P3H1: variants seen among roughly 807,000 people sequenced by gnomAD.
P3H1 encodes the protein growth suppressor 1.
P3H1 carries 69 observed loss-of-function variants against 84.0 expected under a neutral mutation model. That is an observed-to-expected ratio of 0.82 (90% CI 0.68 to 1.00). The LOEUF (loss-of-function observed/expected upper bound fraction) is 1.00. Among genes scored for constraint, P3H1 ranks in the 50% least tolerant of loss-of-function variants. P3H1 has a pLI of 0.00. For synonymous variants in P3H1, 366 were observed against 388.8 expected (o/e 0.94, Z 0.69); for missense variants, 878 against 962.8 (o/e 0.91, Z 1.17).
chr1:42,762,421 G>C lies in P3H1; in HGVS notation c.520C>G (p.Pro174Ala). 6.2e-7 allele frequency: 1 copy of C among 1,614,144 alleles called. No homozygotes were observed. The highest frequency in any genetic ancestry group is 8.5e-7 in the Non-Finnish European group (1 of 1,180,000). ...AAAHTFFVGN[P>A]EHMEMQQNLD... is the part of the protein sequence containing the mutation. ...TTCTGCTGCATTTCCATGTGCTCAG[G>C]ATTGCCCACGAAGAAGGTGTGTGCT... The change falls in exon 2 of 15, where the codon CCT (proline) becomes GCT (alanine). Residue 174 changes from proline (P) to alanine (A), a missense_variant. Coordinates refer to ENST00000296388, the MANE Select transcript of P3H1 (RefSeq NM_022356.4).
At chr1:42,747,176 G>A in intron 14 of P3H1, 96 bp downstream of exon 14, 1 of 1,614,202 alleles carries the variant, frequency 6.2e-7, no homozygotes, top group Non-Finnish European at 8.5e-7. Context: ...TCAGCCACTG[G>A]CAATGGGATT....
In P3H1 at chr1:42,747,254, C is replaced by T. The variant is rs137853890; in HGVS notation, c.2055+18G>A. The T allele has an allele frequency of 1.1e-5, 18 of 1,613,518 alleles. No individual in the cohort carries two copies. The highest frequency in any genetic ancestry group is 2.2e-5 in the East Asian group (1 of 44,884). On this transcript the variant is annotated intron_variant, in intron 14 of 14. Transcript: ENST00000296388. ...CACCACAGCACCAGCTGCTCTCACC[C>T]GCTCGAGCTGCTCTCACCCGCTCGC...
intron 1 of P3H1, among the ~76,000 whole-genome samples, chr1:42,764,172 C>A (rs1652869580): frequency 6.6e-6 from 1 of 152,122 alleles, no homozygotes; most frequent in Non-Finnish European, 1.5e-5. Context: ...CGCCTGTAAT[C>A]CCGCACTTTG....
intron 5 of P3H1, among the ~76,000 whole-genome samples, chr1:42,756,168 G>A (rs779944924): frequency 2.0e-5 from 3 of 152,146 alleles, no homozygotes; most frequent in African/African-American, 7.2e-5. Flanking sequence ...GGAGAGCAGC[G>A]ACCTACAGTC....
chr1:42,747,140 G>C (rs372853135), intron 14 of P3H1, 132 bp downstream of exon 14: 17 of 1,614,094 alleles, frequency 1.1e-5, no homozygotes, highest in Non-Finnish European at 1.4e-5. Context: ...CGTTGGAGCT[G>C]GTGTCCCAAG....
At chr1:42,749,379 C>A (rs1440794818) in intron 11 of P3H1, among the ~76,000 whole-genome samples, 1 of 152,212 alleles carries the variant, frequency 6.6e-6, no homozygotes, top group African/African-American at 2.4e-5. Flanking sequence ...TATGACAGAG[C>A]CGGCTCTGGG....
intron 12 of P3H1, 41 bp downstream of exon 12, chr1:42,748,159 A>T: frequency 6.9e-7 from 1 of 1,449,136 alleles, no homozygotes; most frequent in Non-Finnish European, 9.7e-7. Context: ...GCCTCTGAGG[A>T]GGGCACAGAC....
chr1:42,757,359 C>T (rs959266335), intron 5 of P3H1, among the ~76,000 whole-genome samples: 2 of 151,724 alleles, frequency 1.3e-5, no homozygotes, highest in African/African-American at 4.9e-5. Context: ...TGGGAGAGAA[C>T]AAACAATGGC....
At position 42,754,905 on chromosome 1, in the gene P3H1, T is replaced by C. The variant is rs770097674; in HGVS notation, c.1309A>G (p.Lys437Glu). The C allele has an allele frequency of 5.7e-5, 92 of 1,614,194 alleles. No individual in the cohort carries two copies. The highest frequency in any genetic ancestry group is 7.5e-5 in the Non-Finnish European group (89 of 1,180,014). Residue 437 changes from lysine (K) to glutamate (E), a missense_variant, in exon 8 of 15, where the codon AAG (lysine) becomes GAG (glutamate). Coordinates refer to ENST00000296388, the MANE Select transcript of P3H1 (RefSeq NM_022356.4). This position sits in a 1 kb window ranked among gnomAD's most constrained non-coding sequence, Gnocchi z 4.0. ...EIETLVEEKTKESLDVSRLTR... is the reference protein window; with the variant it reads ...EIETLVEEKTEESLDVSRLTR... ...AGTCTGCTCACATCCAGTGACTCCT[T>C]GGTCTTCTCTTCCACAAGGGTCTCG...
chr1:42,762,282 T>C (rs926986023), intron 2 of P3H1, 41 bp downstream of exon 2: 2 of 1,603,110 alleles, frequency 1.2e-6, no homozygotes, highest in Non-Finnish European at 1.7e-6. Flanking sequence ...AAAATAAATT[T>C]AAAAAGAAAG....
intron 2 of P3H1, chr1:42,762,020 A>T (rs1229774340): frequency 3.6e-6 from 1 of 281,350 alleles, no homozygotes; most frequent in East Asian, 7.5e-5. Context: ...ATTACAAATG[A>T]TTACTTTTTA....
intron 11 of P3H1, among the ~76,000 whole-genome samples, chr1:42,749,319 G>A (rs775228539): frequency 2.0e-5 from 3 of 152,192 alleles, no homozygotes; most frequent in Non-Finnish European, 2.9e-5. Flanking sequence ...CCTCTGATCT[G>A]TGCCACGTAC....
intron 1 of P3H1, 120 bp from the exon 2 acceptor site, chr1:42,762,595 G>A: frequency 6.5e-6 from 7 of 1,082,950 alleles, no homozygotes; most frequent in East Asian, 4.8e-5. Flanking sequence ...CACTCAGCGT[G>A]CCCAGCCCCT....
chr1:42,759,880 C>G (rs1233452485), intron 2 of P3H1: 1 of 167,462 alleles, frequency 6.0e-6, no homozygotes, highest in Non-Finnish European at 1.3e-5. Context: ...CTGTGCCTGG[C>G]CAAAAAACAT....
chr1:42,750,676 C>T (rs1307343799), intron 10 of P3H1, among the ~76,000 whole-genome samples: 1 of 123,712 alleles, frequency 8.1e-6, no homozygotes, highest in Admixed American at 7.7e-5. Context: ...CCAGCCGCCC[C>T]GTCCGGGAGG....
At chr1:42,762,577 G>A in intron 1 of P3H1, 102 bp from the exon 2 acceptor site, 2 of 1,314,064 alleles carry the variant, frequency 1.5e-6, no homozygotes, top group South Asian at 2.4e-5. Context: ...CTGCCTCCCT[G>A]AGCCCTCCAC....
chr1:42,751,977 CTG>C, intron 10 of P3H1: 1 of 444,346 alleles, frequency 2.3e-6, no homozygotes, highest in South Asian at 2.1e-5. Flanking sequence ...TATGAGCACA[CTG>C]TGCATCCTGC....
intron 1 of P3H1, among the ~76,000 whole-genome samples, chr1:42,763,672 C>CAAAAAAAAAAA (rs766034061): frequency 2.4e-5 from 1 of 41,502 alleles, no homozygotes. Context: ...ACTCTTGTCT[C>CAAAAAAAAAAA]AAAAAAAAAA....
At position 42,757,792 on chromosome 1, in the gene P3H1, G is replaced by A. The variant is rs202234531; in HGVS notation, c.1071C>T (p.Gly357=). The A allele has an allele frequency of 4.5e-4, 720 of 1,614,238 alleles. 9 individuals are homozygous for A. The South Asian group carries it at 6.1e-3, about 14-fold the overall frequency. ...GAAGGAAGTCTCTCACCTCACGGGG[G>A]CCGATGGATCTGGTGTGTTCTTCTC... The part of the protein sequence containing the change: ...MLGEEHTRSI[G]PRESAKEYRQ... Residue 357 remains glycine, a synonymous_variant, in exon 5 of 15, where the codon GGC becomes GGT. Transcript: ENST00000296388.
Sources: gnomAD v4.1 joint callset for allele counts (sites outside exome capture counted in the v4.1 genomes callset) on GRCh38, gnomAD v4.1.1 for gene constraint, Gnocchi (gnomAD v3.1) non-coding constraint, MANE v1.5 for transcripts, NCBI Gene and HGNC (gene_info 2026-07-23, HGNC 2026-07-21) for gene names.